Variants in RNF128 observed in about 807,000 individuals in gnomAD.
RNF128 encodes the protein E3 ubiquitin-protein ligase RNF128.
RNF128 carries 13 observed loss-of-function variants against 26.2 expected under a neutral mutation model. The ratio of observed to expected loss-of-function variants is 0.50; its 90% CI spans 0.32 to 0.79. RNF128 has a LOEUF of 0.79. RNF128 is among the 30% of genes least tolerant of loss of function. The pLI is 0.03. For missense variants in RNF128, 315 were observed against 349.7 expected, an observed-to-expected ratio of 0.90 and a Z score of 0.79; for synonymous variants, 149 against 142.5, an observed-to-expected ratio of 1.05 and a Z score of -0.32.
rs1463670660 is a variant in RNF128 at position 106,788,419 on chromosome X, A to T, written c.887+419A>T. Reference sequence around the variant, plus strand: ...TATTATATATAATATATAATATATAATATATATTATATATAATATTATTAT... The same window carrying T: ...TATTATATATAATATATAATATATATTATATATTATATATAATATTATTAT... On this transcript the variant is annotated intron_variant, in intron 4 of 6. Coordinates refer to ENST00000255499, the MANE Select transcript of RNF128 (RefSeq NM_194463.2). 4.3e-3 allele frequency among the ~76,000 whole-genome samples: 184 copies of T among 42,468 alleles called. 1 individual carries two copies. The highest frequency in any genetic ancestry group is 6.2e-3 in the Non-Finnish European group (163 of 26,433). 36.9% of individuals were successfully genotyped at this position (42,468 alleles called of 115,157 possible). A position where few individuals can be genotyped will look rare whatever the true frequency, so the allele number is the denominator to read the frequency against.
chrX:106,727,267 C>T lies in RNF128; in HGVS notation c.354C>T (p.Ala118=), dbSNP rs200766025. The stretch of plus-strand genomic sequence containing the variant: ...GCACCGTGCAAGTCTCTTGGTTGGC[C>T]CTCATCCAACGCGGCGGGGGCTGCA... The part of the protein sequence containing the change: ...WGSTVQVSWL[A]LIQRGGGCTF... The change falls in exon 1 of 7, where the codon GCC becomes GCT. Residue 118 remains alanine (A), a synonymous_variant. Transcript: ENST00000255499. 1.1e-5 allele frequency: 13 copies of T among 1,209,940 alleles called. No homozygotes were observed. In the African/African-American group the frequency reaches 1.6e-4, roughly 15 times the overall value.
At chrX:106,779,174 A>G (rs1930520893) in intron 2 of RNF128, among the ~76,000 whole-genome samples, 1 of 111,742 alleles carries the variant, frequency 8.9e-6, no homozygotes, top group Non-Finnish European at 1.9e-5. Flanking sequence ...GGATTTTTAT[A>G]TATTCACTTA....
chrX:106,700,615 T>TA (rs368126599), intron 1 of RNF128, among the ~76,000 whole-genome samples: 39 of 111,997 alleles, frequency 3.5e-4, no homozygotes, highest in African/African-American at 1.3e-3. Flanking sequence ...GTTTCTCCTA[T>TA]AAAAAACACT....
At chrX:106,776,801 A>G (rs1312498227) in intron 2 of RNF128, among the ~76,000 whole-genome samples, 1 of 111,535 alleles carries the variant, frequency 9.0e-6, no homozygotes, top group Admixed American at 9.6e-5. Flanking sequence ...GCTAGTAGGA[A>G]TAGAACTAAT....
chrX:106,788,386 A>G (rs1453445084), intron 4 of RNF128, among the ~76,000 whole-genome samples: 4 of 47,288 alleles, frequency 8.5e-5, no homozygotes, highest in Non-Finnish European at 1.3e-4. Flanking sequence ...TATATTATAT[A>G]TAATATATAT....
chrX:106,735,084 C>G (rs1394651695), intron 1 of RNF128, among the ~76,000 whole-genome samples: 2 of 111,525 alleles, frequency 1.8e-5, no homozygotes, highest in East Asian at 5.6e-4. Flanking sequence ...TGTGTATGTC[C>G]TTCCATGCAC....
intron 1 of RNF128, among the ~76,000 whole-genome samples, chrX:106,719,859 A>G (rs1329722769): frequency 6.5e-5 from 7 of 108,136 alleles, no homozygotes; most frequent in Non-Finnish European, 1.3e-4. Flanking sequence ...GATCTAGTAT[A>G]CTGAGTGTCA....
At chrX:106,730,057 G>A (rs961318562) in intron 1 of RNF128, among the ~76,000 whole-genome samples, 1 of 111,940 alleles carries the variant, frequency 8.9e-6, no homozygotes, top group Non-Finnish European at 1.9e-5. Flanking sequence ...TCTCATAGGG[G>A]CCTGCACTTG....
intron 1 of RNF128, among the ~76,000 whole-genome samples, chrX:106,751,880 G>C (rs1361613527): frequency 9.1e-6 from 1 of 110,269 alleles, no homozygotes; most frequent in African/African-American, 3.3e-5. Context: ...TAGCTAAGCA[G>C]TACTCACCAT....
rs1929405254 is a variant in RNF128 at position 106,726,822 on chromosome X, C to T, written c.-92C>T. 7 of 1,089,374 alleles carry T rather than the reference C, an allele frequency of 6.4e-6. No homozygotes were observed. The East Asian group carries it at 2.3e-4, about 37-fold the overall frequency. 89.8% of individuals were successfully genotyped at this position (1,089,374 alleles called of 1,213,427 possible). ...CCCCAGTCTCACTCCATTCCTTCCCCACCTGGCGCGCACCTGCTCAAGACC... is the reference window on the plus strand; with the variant it reads ...CCCCAGTCTCACTCCATTCCTTCCCTACCTGGCGCGCACCTGCTCAAGACC... On this transcript the variant is annotated 5_prime_UTR_variant, in exon 1 of 7. Transcript: ENST00000255499.
chrX:106,704,197 G>A (rs184607582), intron 1 of RNF128, among the ~76,000 whole-genome samples: 4,987 of 109,553 alleles, frequency 0.046, 295 homozygotes, highest in African/African-American at 0.16. Context: ...GCACTTTGGG[G>A]GGCCAAGAAG....
upstream of RNF128, among the ~76,000 whole-genome samples, chrX:106,722,164 A>G (rs1291269966): frequency 4.5e-5 from 5 of 110,662 alleles, no homozygotes; most frequent in Admixed American, 9.6e-5. Flanking sequence ...AAGAAGAAGG[A>G]CTGAAACAGG....
chrX:106,756,510 G>C (rs1471507240), intron 1 of RNF128, among the ~76,000 whole-genome samples: 1 of 109,951 alleles, frequency 9.1e-6, no homozygotes, highest in Non-Finnish European at 1.9e-5. Flanking sequence ...TTAATAAATG[G>C]TGCTGGGAAA....
In RNF128 at chrX:106,785,107, C is replaced by T; in HGVS notation, c.775C>T (p.Gln259Ter). The part of the protein sequence containing the change: ...ADAKKAIGRL[Q>*]LRTLKQGDKE... ...TGCTAAAAAAGCTATTGGAAGGCTT[C>T]AACTACGCACACTGAAACAAGGAGA... Residue 259 changes from glutamine (Q) to a stop codon, truncating the protein, a stop_gained, in exon 3 of 7, where the codon CAA becomes TAA. Transcript: ENST00000255499. LOFTEE classifies it high-confidence loss of function. 1 of 1,185,499 alleles carries T rather than the reference C, an allele frequency of 8.4e-7. No individual in the cohort carries two copies. Among genetic ancestry groups the T allele is most frequent in the Non-Finnish European group, 1.1e-6 (1 of 885,344 alleles).
At chrX:106,779,753 T>C (rs1401613815) in intron 2 of RNF128, among the ~76,000 whole-genome samples, 2 of 111,128 alleles carry the variant, frequency 1.8e-5, no homozygotes, top group African/African-American at 3.3e-5. Context: ...TATCCCCTCA[T>C]CTGTAGTTCC....
chrX:106,697,654 T>C (rs950536642), intron 1 of RNF128, among the ~76,000 whole-genome samples: 3 of 111,735 alleles, frequency 2.7e-5, no homozygotes, highest in Middle Eastern at 4.2e-3. Flanking sequence ...CCTCACATGG[T>C]TTCATGATTT....
chrX:106,718,137 A>C (rs964851178), intron 1 of RNF128, among the ~76,000 whole-genome samples: 1 of 111,887 alleles, frequency 8.9e-6, no homozygotes, highest in Admixed American at 9.5e-5. Flanking sequence ...ACCAGGAGGG[A>C]GCTATGCCCT....
intron 1 of RNF128, among the ~76,000 whole-genome samples, chrX:106,745,788 A>T (rs764694014): frequency 8.9e-6 from 1 of 111,971 alleles, no homozygotes; most frequent in Admixed American, 9.5e-5. Flanking sequence ...AGTTGCCACT[A>T]AACAGGACTT....
Position 106,711,418 on chromosome X carries a change from C to T in RNF128, c.406+17010C>T, listed in dbSNP as rs780420032. 1.3e-4 allele frequency among the ~76,000 whole-genome samples: 15 copies of T among 112,249 alleles called. 1 individual carries two copies. The highest frequency in any genetic ancestry group is 9.1e-3 in the Middle Eastern group (2 of 219). ...ACAAAGTTTTCATTTATTTGGATCT[C>T]GACGGTTTTTTAAATCTTCCTTTTG... On this transcript the variant is annotated intron_variant, in intron 1 of 6. Coordinates refer to the RNF128 transcript ENST00000324342.
Sources: allele counts gnomAD v4.1 joint callset (sites outside exome capture counted in the v4.1 genomes callset), GRCh38; gene constraint gnomAD v4.1.1; transcripts MANE v1.5; gene names NCBI Gene and HGNC (gene_info 2026-07-23, HGNC 2026-07-21).